The following APMAP variants were observed in gnomAD, a reference collection of about 807,000 sequenced individuals.
APMAP encodes the protein adipocyte plasma membrane associated protein.
A neutral mutation model predicts 43.6 loss-of-function variants in APMAP; 33 were observed. That is an observed-to-expected ratio of 0.76 (90% confidence interval 0.57 to 1.01). APMAP has a LOEUF of 1.01. APMAP is among the 50% of genes least tolerant of loss of function. APMAP has a pLI of 0.00. For missense variants in APMAP, 498 were observed against 540.7 expected (o/e 0.92, Z 0.78); for synonymous variants, 224 against 216.7 (o/e 1.03, Z -0.30).
rs373863303 is a variant in APMAP at position 24,992,742 on chromosome 20, C to T, written c.-54G>A. The T allele has an allele frequency of 2.7e-5, 37 of 1,364,956 alleles. No individual in the cohort carries two copies. The highest frequency in any genetic ancestry group is 3.6e-5 in the Non-Finnish European group (37 of 1,030,762). The allele number at this position is 1,364,956 out of a possible 1,614,324, so 84.6% of individuals were successfully genotyped here. A position where few individuals can be genotyped will look rare whatever the true frequency, so the allele number is the denominator to read the frequency against. ...ACCACCTCACACTGAGCGGCGCCGGCTCAGACTCCAGGCCCGCCCTCCCCC... is the reference window on the plus strand; with the variant it reads ...ACCACCTCACACTGAGCGGCGCCGGTTCAGACTCCAGGCCCGCCCTCCCCC... On this transcript the variant is annotated 5_prime_UTR_variant, in exon 1 of 9. Coordinates refer to ENST00000217456, the MANE Select transcript of APMAP (RefSeq NM_020531.3).
intron 3 of APMAP, among the ~76,000 whole-genome samples, chr20:24,978,155 C>G (rs138060537): frequency 6.6e-6 from 1 of 152,240 alleles, no homozygotes; most frequent in Non-Finnish European, 1.5e-5. Flanking sequence ...CTATCTGTGA[C>G]TATCTGTGCC....
In APMAP at chr20:24,963,648, G is replaced by A. The variant is rs2087916734; in HGVS notation, c.*165C>T. The A allele has an allele frequency of 1.4e-6, 1 of 706,342 alleles. No homozygotes were observed. The allele number at this position is 706,342 out of a possible 1,614,324, so 43.8% of individuals were successfully genotyped here. A position where few individuals can be genotyped will look rare whatever the true frequency, so the allele number is the denominator to read the frequency against. ...GAAAGACAAGCCCAGGTGGGGCCCG[G>A]GCATCCTCGAGGAATGAAGCAGCCA... On this transcript the variant is annotated 3_prime_UTR_variant, in exon 9 of 9. Coordinates refer to ENST00000217456, the MANE Select transcript of APMAP (RefSeq NM_020531.3).
intron 1 of APMAP, among the ~76,000 whole-genome samples, chr20:24,989,234 T>C (rs1009249168): frequency 2.0e-5 from 3 of 152,180 alleles, no homozygotes; most frequent in African/African-American, 7.2e-5. Flanking sequence ...CAGGCGCAGT[T>C]TGAGAAATCA....
chr20:24,986,991 T>C (rs1214813371), intron 1 of APMAP, among the ~76,000 whole-genome samples: 4 of 152,236 alleles, frequency 2.6e-5, no homozygotes, highest in Non-Finnish European at 5.9e-5. Context: ...ACAAGTGACC[T>C]TTCATGACTA....
At chr20:24,969,892 C>G (rs2087984314) in intron 6 of APMAP, among the ~76,000 whole-genome samples, 1 of 152,260 alleles carries the variant, frequency 6.6e-6, no homozygotes, top group Admixed American at 6.5e-5. Flanking sequence ...CACCTGGGAG[C>G]TGGACAGGAA....
At chr20:24,971,740 G>A (rs1299307539) in intron 4 of APMAP, among the ~76,000 whole-genome samples, 164 bp from the exon 5 acceptor site, 1 of 152,236 alleles carries the variant, frequency 6.6e-6, no homozygotes, top group Non-Finnish European at 1.5e-5. Context: ...GCTCACTGCA[G>A]GTGCTTATTG....
intron 1 of APMAP, among the ~76,000 whole-genome samples, chr20:24,985,024 G>A (rs868121308): frequency 6.6e-6 from 1 of 152,156 alleles, no homozygotes; most frequent in Non-Finnish European, 1.5e-5. Context: ...AAGGGGGCAG[G>A]GTTTGATTTT....
intron 3 of APMAP, among the ~76,000 whole-genome samples, chr20:24,978,516 G>A (rs896415591): frequency 1.3e-5 from 2 of 152,212 alleles, no homozygotes; most frequent in Admixed American, 1.3e-4. Context: ...ACAACAAAGT[G>A]TTCCATAGAG....
intron 2 of APMAP, among the ~76,000 whole-genome samples, chr20:24,982,046 T>G (rs1013041819): frequency 6.6e-6 from 1 of 152,244 alleles, no homozygotes; most frequent in African/African-American, 2.4e-5. Context: ...CCTATCTTCC[T>G]GTTTTTGAGT....
intron 3 of APMAP, among the ~76,000 whole-genome samples, chr20:24,976,479 A>G (rs1436356096): frequency 6.6e-6 from 1 of 152,224 alleles, no homozygotes; most frequent in Non-Finnish European, 1.5e-5. Flanking sequence ...ATGCAAATTA[A>G]AACAACGAGA....
At position 24,970,325 on chromosome 20, in the gene APMAP, C is replaced by G. The variant is rs757156566; in HGVS notation, c.585G>C (p.Lys195Asn). 5 of 1,614,068 alleles carry G rather than the reference C, an allele frequency of 3.1e-6. No homozygotes were observed. The Admixed American group carries it at 6.7e-5, about 22-fold the overall frequency. Residue 195 changes from lysine to asparagine, a missense_variant, in exon 6 of 9, where the codon AAG (lysine) becomes AAC (asparagine). Coordinates refer to ENST00000217456, the MANE Select transcript of APMAP (RefSeq NM_020531.3). ...LLSSETPIEG[K>N]NMSFVNDLTV... ...TAAGATCATTCACAAAGGACATGTT[C>G]TTCCCCTCAATGGGTGTCTCGGAGG...
At chr20:24,988,664 G>A (rs2088167540) in intron 1 of APMAP, among the ~76,000 whole-genome samples, 1 of 152,156 alleles carries the variant, frequency 6.6e-6, no homozygotes, top group Non-Finnish European at 1.5e-5. Context: ...GGGTGGGCCT[G>A]CGAACTCTTT....
In APMAP at chr20:24,963,673, A is replaced by G. The variant is rs1296579341; in HGVS notation, c.*140T>C. On this transcript the variant is annotated 3_prime_UTR_variant, in exon 9 of 9. Transcript: ENST00000217456. ...GGCATCCTCGAGGAATGAAGCAGCC[A>G]TTCCCACCACCTCTCAGGGACTAAC... The G allele has an allele frequency of 1.8e-5, 16 of 906,654 alleles. No homozygotes were observed. The highest frequency in any genetic ancestry group is 2.4e-5 in the Non-Finnish European group (14 of 587,906). 56.2% of individuals were successfully genotyped at this position (906,654 alleles called of 1,614,324 possible). A position where few individuals can be genotyped will look rare whatever the true frequency, so the allele number is the denominator to read the frequency against.
At position 24,969,575 on chromosome 20, in the gene APMAP, C is replaced by G. The variant is rs1218705770; in HGVS notation, c.799G>C (p.Ala267Pro). The change falls in exon 7 of 9, where the codon GCA (alanine) becomes CCA (proline). Residue 267 changes from alanine to proline, a missense_variant. Transcript: ENST00000217456. ...TCTGCCACCAGGACAAAGTCTTCTGCAGGAGACAGCTGGACTCCATTCGGG... is the reference window on the plus strand; with the variant it reads ...TCTGCCACCAGGACAAAGTCTTCTGGAGGAGACAGCTGGACTCCATTCGGG... ...RFPNGVQLSP[A>P]EDFVLVAETT... 6.2e-7 allele frequency: 1 copy of G among 1,614,022 alleles called. No homozygotes were observed. The highest frequency in any genetic ancestry group is 2.2e-5 in the East Asian group (1 of 44,872).
intron 4 of APMAP, among the ~76,000 whole-genome samples, chr20:24,973,187 T>C (rs1347208908): frequency 6.6e-6 from 1 of 152,226 alleles, no homozygotes; most frequent in Non-Finnish European, 1.5e-5. Context: ...AGTCTTCTAC[T>C]CTAGTTTTCC....
chr20:24,973,755 A>G lies in APMAP; in HGVS notation c.329-18T>C. ...CATCACATCTGTTTAAAAACACAAAAAGGAGGAAGAGCAATGTTAGCCTAA... is the reference window on the plus strand; with the variant it reads ...CATCACATCTGTTTAAAAACACAAAGAGGAGGAAGAGCAATGTTAGCCTAA... On this transcript the variant is annotated intron_variant, in intron 3 of 8. Coordinates refer to ENST00000217456, the MANE Select transcript of APMAP (RefSeq NM_020531.3). The G allele has an allele frequency of 6.2e-7, 1 of 1,608,868 alleles. No homozygotes were observed. Among genetic ancestry groups the G allele is most frequent in the Non-Finnish European group, 8.5e-7 (1 of 1,175,472 alleles).
chr20:24,982,838 C>G (rs903919624), intron 2 of APMAP, among the ~76,000 whole-genome samples: 9 of 152,096 alleles, frequency 5.9e-5, no homozygotes, highest in Admixed American at 2.0e-4. Context: ...GGGACCCCCC[C>G]CCGCCACCCA....
chr20:24,979,336 T>C (rs2088080345), intron 2 of APMAP, among the ~76,000 whole-genome samples: 1 of 152,178 alleles, frequency 6.6e-6, no homozygotes, highest in Non-Finnish European at 1.5e-5. Flanking sequence ...AGGGGAGACC[T>C]TCCTGGGACT....
At chr20:24,972,105 C>T (rs1268748848) in intron 4 of APMAP, among the ~76,000 whole-genome samples, 3 of 142,714 alleles carry the variant, frequency 2.1e-5, no homozygotes, top group Non-Finnish European at 3.0e-5. Context: ...GTGGTTATTG[C>T]AGGGTGTTCA....
Sources: gnomAD v4.1 joint callset for allele counts (sites outside exome capture counted in the v4.1 genomes callset) on GRCh38, gnomAD v4.1.1 for gene constraint, MANE v1.5 for transcripts, NCBI Gene and HGNC (gene_info 2026-07-23, HGNC 2026-07-21) for gene names.